Variants in TSPAN4 observed in about 807,000 individuals in gnomAD.
TSPAN4 encodes tetraspanin-4.
Under a neutral mutation model 31.5 loss-of-function variants are expected in TSPAN4, and 38 were observed. The observed-to-expected ratio is 1.21, with a 90% CI of 0.93 to 1.58. The LOEUF (loss-of-function observed/expected upper bound fraction) is 1.58, where lower values mean the gene tolerates loss of function less well. Ranked by LOEUF, TSPAN4 falls within the 40% of genes most tolerant of loss-of-function variation. TSPAN4 has a pLI of 0.00. For missense variants in TSPAN4, 330 were observed against 317.3 expected, an observed-to-expected ratio of 1.04 and a Z score of -0.30; for synonymous variants, 186 against 144.6, an observed-to-expected ratio of 1.29 and a Z score of -2.06.
At chr11:860,106 C>T (rs913532525) in intron 3 of TSPAN4, among the ~76,000 whole-genome samples, 4 of 152,332 alleles carry the variant, frequency 2.6e-5, no homozygotes, top group Non-Finnish European at 4.4e-5. Context: ...TGGCAGCCTC[C>T]GGACAGCGTT....
At chr11:850,215 G>GCGCGCTACACGT (rs1159206097) in intron 2 of TSPAN4, 73 bp from the exon 3 acceptor site, 1 of 1,303,674 alleles carries the variant, frequency 7.7e-7, no homozygotes. Flanking sequence ...GGCGGCCCAG[G>GCGCGCTACACGT]CGCGCTACAC....
At chr11:858,320 G>C (rs1198363413) in intron 3 of TSPAN4, 2 of 152,702 alleles carry the variant, frequency 1.3e-5, no homozygotes, top group African/African-American at 2.4e-5. Context: ...CCCCCGGGAA[G>C]TGGGGGCATC....
chr11:848,864 G>T lies in TSPAN4; in HGVS notation c.-17-1424G>T, dbSNP rs898172675. The T allele has an allele frequency of 3.4e-5, 24 of 697,924 alleles. No homozygotes were observed. The highest frequency in any genetic ancestry group is 6.4e-5 in the Non-Finnish European group (24 of 375,844). The allele number at this position is 697,924 out of a possible 1,614,324, so 43.2% of individuals were successfully genotyped here. A position where few individuals can be genotyped will look rare whatever the true frequency, so the allele number is the denominator to read the frequency against. ...CTGGGGGCCTCTGTCCCCATCTCCG[G>T]CTGTGGGAGGTGTGTGCGCATCCGG... On this transcript the variant is annotated intron_variant, in intron 2 of 8. Transcript: ENST00000397397. The surrounding 1 kb of genome is among the most constrained non-coding windows in gnomAD (Gnocchi z 5.7).
rs199584115 is a variant in TSPAN4, at chr11:864,497, G to A, written c.316G>A (p.Ala106Thr). ...GGCCACCATCGCCATCCTCTTCTTCGCCTACACGGACAAGGTACGGCTGCC... is the reference window on the plus strand; with the variant it reads ...GGCCACCATCGCCATCCTCTTCTTCACCTACACGGACAAGGTACGGCTGCC... ...LEATIAILFF[A>T]YTDKIDRYAQ... Residue 106 changes from alanine (A) to threonine (T), a missense_variant, in exon 5 of 9, where the codon GCC becomes ACC. Physicochemically the swap from Ala to Thr is moderately conservative, Grantham distance 58. Coordinates refer to ENST00000397397, the MANE Select transcript of TSPAN4 (RefSeq NM_003271.5). The A allele has an allele frequency of 1.7e-4, 275 of 1,612,462 alleles. No individual in the cohort carries two copies. The highest frequency in any genetic ancestry group is 3.2e-4 in the African/African-American group (24 of 74,922).
rs574172954 is a variant in TSPAN4, at chr11:851,818, G to A, written c.63+1451G>A. Among the ~76,000 whole-genome samples, 32 of 152,054 alleles carry A rather than the reference G, an allele frequency of 2.1e-4. No individual in the cohort carries two copies. In the East Asian group the frequency reaches 4.7e-3, roughly 22 times the overall value. ...TGAAGGGCAGTGGGTGTGGGGGCCC[G>A]GCAGGCAGGCAGGCAGGTCCTGGGA... On this transcript the variant is annotated intron_variant, in intron 3 of 8. Transcript: ENST00000397397.
chr11:850,233 A>G (rs1847589027), intron 2 of TSPAN4, 55 bp from the exon 3 acceptor site: 1 of 1,432,800 alleles, frequency 7.0e-7, no homozygotes, highest in African/African-American at 1.4e-5. Flanking sequence ...CACGTCGCCC[A>G]AGGGCAACAA....
chr11:849,833 G>A (rs1051675392), intron 2 of TSPAN4: 1 of 147,284 alleles, frequency 6.8e-6, no homozygotes, highest in African/African-American at 2.5e-5. Flanking sequence ...GGGGGCGCGG[G>A]GGCCGCAGCG....
intron 4 of TSPAN4, 194 bp from the exon 5 acceptor site, chr11:864,243 C>T: frequency 1.5e-6 from 1 of 661,210 alleles, no homozygotes; most frequent in Non-Finnish European, 2.6e-6. Flanking sequence ...GACACAACAG[C>T]CACAGTCCCT....
intron 3 of TSPAN4, among the ~76,000 whole-genome samples, chr11:861,749 C>T (rs1271430310): frequency 6.6e-6 from 1 of 151,380 alleles, no homozygotes; most frequent in Admixed American, 6.6e-5. Flanking sequence ...GCTAAACCAT[C>T]TCTACTAAAA....
rs1307000415 is a variant in TSPAN4, at chr11:865,916, A to G, written c.565-2A>G. 9 of 1,613,074 alleles carry G rather than the reference A, an allele frequency of 5.6e-6. No individual in the cohort carries two copies. The highest frequency in any genetic ancestry group is 7.6e-6 in the Non-Finnish European group (9 of 1,179,988). ...TGACACGCATGACATCCCTCCCTGC[A>G]GCCGTGCTACGAGACGGTGAAGGTG... On this transcript the variant is annotated splice_acceptor_variant, in intron 7 of 8. Transcript: ENST00000397397. LOFTEE classifies it high-confidence loss of function.
At chr11:845,067 A>AC (rs1440843062) in intron 1 of TSPAN4, among the ~76,000 whole-genome samples, 8 of 152,132 alleles carry the variant, frequency 5.3e-5, no homozygotes, top group Non-Finnish European at 4.4e-5. Context: ...GGGATCAGAA[A>AC]CTGCCCGCCC....
At position 848,413 on chromosome 11, in the gene TSPAN4, G is replaced by T. The variant is rs962523149; in HGVS notation, c.-18+1113G>T. 1.3e-5 allele frequency among the ~76,000 whole-genome samples: 2 copies of T among 152,002 alleles called. No homozygotes were observed. Among genetic ancestry groups the T allele is most frequent in the Non-Finnish European group, 2.9e-5 (2 of 67,948 alleles). On this transcript the variant is annotated intron_variant, in intron 2 of 8. Transcript: ENST00000397397. The surrounding 1 kb of genome is among the most constrained non-coding windows in gnomAD (Gnocchi z 5.7). ...GGGGGCCCCCTGTCCCCTTCCCCCA[G>T]CGAGGACCTGGGCATGGGGTGCTGC... is the stretch of plus-strand genomic sequence containing the variant.
At position 862,575 on chromosome 11, in the gene TSPAN4, T is replaced by G. The variant is rs955245584; in HGVS notation, c.89T>G (p.Val30Gly). 1.2e-6 allele frequency: 2 copies of G among 1,610,418 alleles called. No homozygotes were observed. Among genetic ancestry groups the G allele is most frequent in the Non-Finnish European group, 1.7e-6 (2 of 1,178,966 alleles). ...CTGGGAGGCTGTGGCGTGCTGGGTG[T>G]CGGCATCTGGCTGGCCGCCACACAG... ...FWLGGCGVLG[V>G]GIWLAATQGS... The change falls in exon 4 of 9, where the codon GTC becomes GGC. Residue 30 changes from valine (V) to glycine (G), a missense_variant. By Grantham distance (109) the Val-to-Gly change is moderately radical (BLOSUM62 -3). Coordinates refer to ENST00000397397, the MANE Select transcript of TSPAN4 (RefSeq NM_003271.5).
At chr11:859,792 T>G (rs1848347314) in intron 3 of TSPAN4, 1 of 152,222 alleles carries the variant, frequency 6.6e-6, no homozygotes, top group South Asian at 2.1e-4. Flanking sequence ...CACCCTAAGC[T>G]GCTTCTGGGG....
At chr11:864,564 A>G in intron 5 of TSPAN4, 53 bp downstream of exon 5, 1 of 1,599,372 alleles carries the variant, frequency 6.3e-7, no homozygotes. Flanking sequence ...CTCCATCCTC[A>G]CTCCCAGGGA....
intron 8 of TSPAN4, 57 bp from the exon 9 acceptor site, chr11:866,505 G>T: frequency 6.4e-7 from 1 of 1,564,838 alleles, no homozygotes; most frequent in African/African-American, 1.4e-5. Flanking sequence ...GACTGCTCTG[G>T]GCTTGAGGCC....
intron 3 of TSPAN4, chr11:857,274 CAT>C (rs1172742897): frequency 6.6e-6 from 1 of 152,258 alleles, no homozygotes; most frequent in African/African-American, 2.4e-5. Flanking sequence ...TCACTCTGCA[CAT>C]GTCCTCCCTG....
intron 3 of TSPAN4, among the ~76,000 whole-genome samples, chr11:855,148 C>T (rs1847976286): frequency 6.6e-6 from 1 of 152,114 alleles, no homozygotes; most frequent in South Asian, 2.1e-4. Context: ...GGGGCCTCTG[C>T]AGGTTCCAGG....
chr11:858,712 G>A, intron 3 of TSPAN4: 1 of 146,482 alleles, frequency 6.8e-6, no homozygotes, highest in Non-Finnish European at 1.4e-5. Context: ...ATGCACCCCG[G>A]TTCCCACACA....
Sources: allele counts gnomAD v4.1 joint callset (sites outside exome capture counted in the v4.1 genomes callset), GRCh38; gene constraint gnomAD v4.1.1; non-coding constraint Gnocchi (gnomAD v3.1); transcripts MANE v1.5; gene names NCBI Gene and HGNC (gene_info 2026-07-23, HGNC 2026-07-21).